Variants in NKAIN3 observed in about 807,000 individuals in gnomAD.
NKAIN3 encodes the protein sodium/potassium transporting ATPase interacting 3, also known as sodium/potassium-transporting ATPase subunit beta-1-interacting protein 3.
In NKAIN3, 25 loss-of-function variants were observed where a neutral mutation model predicts 30.2. The ratio of observed to expected loss-of-function variants is 0.83; its 90% confidence interval spans 0.60 to 1.16. The LOEUF (loss-of-function observed/expected upper bound fraction) is 1.16. Among genes scored for constraint, NKAIN3 ranks in the 50% most tolerant of loss-of-function variants. The pLI is 0.00. For missense variants in NKAIN3, 225 were observed against 254.1 expected, an observed-to-expected ratio of 0.89 and a Z score of 0.78; for synonymous variants, 91 against 89.6, an observed-to-expected ratio of 1.02 and a Z score of -0.09.
chr8:62,318,890 A>G (rs1190319843), intron 1 of NKAIN3, among the ~76,000 whole-genome samples: 4 of 152,100 alleles, frequency 2.6e-5, no homozygotes, highest in Non-Finnish European at 4.4e-5. Context: ...ATTGATTGGA[A>G]TAGTTTCAGA....
At chr8:62,538,198 A>G (rs1185889822) in intron 1 of NKAIN3, among the ~76,000 whole-genome samples, 1 of 152,130 alleles carries the variant, frequency 6.6e-6, no homozygotes, top group Non-Finnish European at 1.5e-5. Flanking sequence ...TGTTGTTGAG[A>G]CAGGGCCTCA....
intron 6 of NKAIN3, among the ~76,000 whole-genome samples, chr8:62,963,333 A>G (rs1207860764): frequency 6.6e-6 from 1 of 152,210 alleles, no homozygotes; most frequent in Non-Finnish European, 1.5e-5. Context: ...CAGCTCCTGA[A>G]GTAACACTTC....
chr8:62,604,159 A>C (rs546831683), intron 3 of NKAIN3, among the ~76,000 whole-genome samples: 2 of 152,216 alleles, frequency 1.3e-5, no homozygotes, highest in Non-Finnish European at 2.9e-5. Context: ...AAGTTACTAG[A>C]GTGAAGATTG....
At chr8:62,603,987 A>G (rs1811052111) in intron 3 of NKAIN3, among the ~76,000 whole-genome samples, 1 of 152,122 alleles carries the variant, frequency 6.6e-6, no homozygotes, top group Admixed American at 6.6e-5. Context: ...TTGTAACAAG[A>G]TACCCTTTGG....
intron 1 of NKAIN3, among the ~76,000 whole-genome samples, chr8:62,545,952 C>T (rs1563450594): frequency 1.3e-5 from 2 of 152,278 alleles, no homozygotes; most frequent in East Asian, 3.9e-4. Context: ...CTTACTAATA[C>T]TGAATATTGT....
chr8:62,918,640 A>G (rs1485309258), intron 5 of NKAIN3, 127 bp downstream of exon 5: 3 of 679,928 alleles, frequency 4.4e-6, no homozygotes, highest in South Asian at 3.9e-5. Flanking sequence ...AACTCAGCAC[A>G]CTAAAGTTAC....
At chr8:62,608,175 TTATA>T (rs1489938031) in intron 3 of NKAIN3, among the ~76,000 whole-genome samples, 1 of 152,212 alleles carries the variant, frequency 6.6e-6, no homozygotes, top group Non-Finnish European at 1.5e-5. Context: ...ATAAGCTCCT[TTATA>T]AAGTGATGGC....
intron 1 of NKAIN3, among the ~76,000 whole-genome samples, chr8:62,296,733 A>G (rs150288868): frequency 2.4e-3 from 358 of 152,264 alleles, no homozygotes; most frequent in African/African-American, 7.8e-3. Context: ...GTCCATCTAC[A>G]TGGCAACAGC....
At chr8:62,793,849 G>A (rs1350685512) in intron 4 of NKAIN3, among the ~76,000 whole-genome samples, 1 of 152,126 alleles carries the variant, frequency 6.6e-6, no homozygotes, top group Non-Finnish European at 1.5e-5. Flanking sequence ...CATCAAACCT[G>A]ATATTTCTAC....
At chr8:62,345,118 G>C (rs1815889190) in intron 1 of NKAIN3, among the ~76,000 whole-genome samples, 3 of 151,366 alleles carry the variant, frequency 2.0e-5, no homozygotes, top group Non-Finnish European at 2.9e-5. Context: ...TTTTGCTATT[G>C]GTGTATAGAA....
chr8:62,344,200 C>A (rs919304053), intron 1 of NKAIN3, among the ~76,000 whole-genome samples: 1 of 151,942 alleles, frequency 6.6e-6, no homozygotes, highest in Admixed American at 6.6e-5. Flanking sequence ...GAAATCACTT[C>A]TTTAAAATAA....
At position 62,681,308 on chromosome 8, in the gene NKAIN3, T is replaced by C. The variant is rs535378213; in HGVS notation, c.274-65624T>C. Among the ~76,000 whole-genome samples, 4 of 152,346 alleles carry C rather than the reference T, an allele frequency of 2.6e-5. No individual in the cohort carries two copies. The South Asian group carries it at 6.2e-4, about 24-fold the overall frequency. On this transcript the variant is annotated intron_variant, in intron 3 of 6. Transcript: ENST00000623646. ...TTTGAGATTATTGAATGAGAGGTTATAGTAAATGAACTTTCACATTCCCTT... is the reference window on the plus strand; with the variant it reads ...TTTGAGATTATTGAATGAGAGGTTACAGTAAATGAACTTTCACATTCCCTT...
chr8:62,861,605 A>G (rs1437050480), intron 4 of NKAIN3, among the ~76,000 whole-genome samples: 4 of 152,200 alleles, frequency 2.6e-5, no homozygotes, highest in African/African-American at 9.7e-5. Context: ...GGACTTTGAA[A>G]TATTTAGACT....
chr8:62,839,776 T>C (rs1819476053), intron 4 of NKAIN3, among the ~76,000 whole-genome samples: 1 of 151,928 alleles, frequency 6.6e-6, no homozygotes, highest in Non-Finnish European at 1.5e-5. Context: ...CCACCATTCC[T>C]GGAAAATTTT....
intron 1 of NKAIN3, among the ~76,000 whole-genome samples, chr8:62,554,412 A>G (rs564940220): frequency 2.6e-5 from 4 of 152,240 alleles, no homozygotes; most frequent in African/African-American, 9.6e-5. Context: ...ACCCCAAACA[A>G]CTACAACTTC....
intron 4 of NKAIN3, among the ~76,000 whole-genome samples, chr8:62,789,663 A>G (rs545926874): frequency 7.9e-5 from 12 of 152,146 alleles, no homozygotes; most frequent in East Asian, 1.9e-4. Context: ...ACAAGCTACC[A>G]TCAGAGAATA....
At chr8:62,310,878 C>G (rs1814405801) in intron 1 of NKAIN3, among the ~76,000 whole-genome samples, 1 of 150,358 alleles carries the variant, frequency 6.7e-6, no homozygotes, top group South Asian at 2.1e-4. Context: ...ACACTAGTAT[C>G]ACTCCAAAGA....
chr8:62,486,871 A>G (rs1317076619), intron 1 of NKAIN3, among the ~76,000 whole-genome samples: 1 of 152,206 alleles, frequency 6.6e-6, no homozygotes, highest in Non-Finnish European at 1.5e-5. Context: ...GTGGCATTTA[A>G]AATATGGTTG....
At chr8:62,454,301 C>CAAAAAGAAAAAAAAAAAAA in intron 1 of NKAIN3, among the ~76,000 whole-genome samples, 1 of 56,152 alleles carries the variant, frequency 1.8e-5, no homozygotes, top group Non-Finnish European at 3.8e-5. Context: ...AGCTGATGTG[C>CAAAAAGAAAAAAAAAAAAA]AAAAAAAAAA....
Sources: gnomAD v4.1 joint callset for allele counts (sites outside exome capture counted in the v4.1 genomes callset) on GRCh38, gnomAD v4.1.1 for gene constraint, MANE v1.5 for transcripts, NCBI Gene and HGNC (gene_info 2026-07-23, HGNC 2026-07-21) for gene names.